The following EPS15L1 variants were observed in gnomAD, a reference collection of about 807,000 sequenced individuals.
EPS15L1 encodes epidermal growth factor receptor pathway substrate 15 like 1.
EPS15L1 carries 43 observed loss-of-function variants against 117.1 expected under a neutral mutation model. That is an observed-to-expected ratio of 0.37 (90% CI 0.29 to 0.47). The LOEUF is 0.47. EPS15L1 is among the 20% of genes least tolerant of loss of function. EPS15L1 has a pLI of 0.99. For missense variants in EPS15L1, 981 were observed against 1,164.0 expected, an observed-to-expected ratio of 0.84 and a Z score of 2.29; for synonymous variants, 459 against 470.5, an observed-to-expected ratio of 0.98 and a Z score of 0.32.
chr19:16,363,208 C>T (rs968427613), intron 22 of EPS15L1, among the ~76,000 whole-genome samples: 3 of 152,314 alleles, frequency 2.0e-5, no homozygotes, highest in South Asian at 4.1e-4. Flanking sequence ...GGGCATTCAA[C>T]GTGGTCCACG....
At chr19:16,393,518 G>A (rs1006173435) in intron 18 of EPS15L1, among the ~76,000 whole-genome samples, 4 of 151,120 alleles carry the variant, frequency 2.6e-5, no homozygotes, top group Non-Finnish European at 5.9e-5. Context: ...GCGTGGTAGC[G>A]GGCGCCTGTA....
intron 22 of EPS15L1, among the ~76,000 whole-genome samples, chr19:16,373,772 C>G (rs1249154148): frequency 6.6e-6 from 1 of 152,176 alleles, no homozygotes; most frequent in Non-Finnish European, 1.5e-5. Context: ...CCCAAAGAGC[C>G]AAACACTTCT....
At chr19:16,426,222 G>A (rs780509749) in intron 8 of EPS15L1, among the ~76,000 whole-genome samples, 1 of 152,256 alleles carries the variant, frequency 6.6e-6, no homozygotes, top group Admixed American at 6.5e-5. Flanking sequence ...TGTGGGGCGG[G>A]TGTGACCTCC....
intron 1 of EPS15L1, among the ~76,000 whole-genome samples, chr19:16,445,573 G>A (rs761990824): frequency 1.3e-5 from 2 of 152,172 alleles, no homozygotes; most frequent in Non-Finnish European, 2.9e-5. Context: ...ATGTCATTGC[G>A]ACAGAACTGA....
chr19:16,364,234 C>G (rs1428820372), intron 22 of EPS15L1, among the ~76,000 whole-genome samples: 2 of 152,222 alleles, frequency 1.3e-5, no homozygotes, highest in Non-Finnish European at 2.9e-5. Context: ...GCAGAGGGGG[C>G]CCTGCAATCT....
At chr19:16,392,033 G>A (rs1040014448) in intron 19 of EPS15L1, among the ~76,000 whole-genome samples, 3 of 152,190 alleles carry the variant, frequency 2.0e-5, no homozygotes, top group Non-Finnish European at 2.9e-5. Flanking sequence ...AACTATGGGT[G>A]ACATCCTCCT....
intron 13 of EPS15L1, chr19:16,412,950 C>A: frequency 1.5e-6 from 1 of 664,856 alleles, no homozygotes; most frequent in Non-Finnish European, 2.8e-6. Flanking sequence ...ATCTCTTCTC[C>A]CGCCCATCAA....
chr19:16,423,809 G>A (rs2092840849), intron 9 of EPS15L1, among the ~76,000 whole-genome samples: 1 of 152,192 alleles, frequency 6.6e-6, no homozygotes, highest in South Asian at 2.1e-4. Context: ...AGAGGTAACA[G>A]GAGTCAGACA....
chr19:16,424,044 T>A (rs1210506756), intron 9 of EPS15L1, among the ~76,000 whole-genome samples: 1 of 152,222 alleles, frequency 6.6e-6, no homozygotes, highest in East Asian at 1.9e-4. Flanking sequence ...AGCCTTGCCG[T>A]GGAGCTGGCT....
Position 16,471,058 on chromosome 19 carries a change from T to C in EPS15L1, c.33+855A>G, listed in dbSNP as rs1221520034. Among the ~76,000 whole-genome samples the C allele has an allele frequency of 1.3e-5, 2 of 152,226 alleles. No individual in the cohort carries two copies. The highest frequency in any genetic ancestry group is 4.8e-5 in the African/African-American group (2 of 41,478). ...GTCCTCACTCTTAATCACCATGCTGTGCTAGATCATTCTAGCAAAATGCTT... is the reference window on the plus strand; with the variant it reads ...GTCCTCACTCTTAATCACCATGCTGCGCTAGATCATTCTAGCAAAATGCTT... On this transcript the variant is annotated intron_variant, in intron 1 of 23. Transcript: ENST00000455140. The surrounding 1 kb of genome is among the most constrained non-coding windows in gnomAD (Gnocchi z 4.8).
intron 2 of EPS15L1, 91 bp from the exon 3 acceptor site, chr19:16,442,072 T>G: frequency 6.8e-7 from 1 of 1,480,442 alleles, no homozygotes; most frequent in Non-Finnish European, 9.4e-7. Flanking sequence ...CCGCTGACAG[T>G]GAACAGAAAA....
chr19:16,434,549 C>T, intron 6 of EPS15L1, 59 bp from the exon 7 acceptor site: 1 of 1,564,286 alleles, frequency 6.4e-7, no homozygotes, highest in Non-Finnish European at 8.7e-7. Flanking sequence ...AATGTCCAGA[C>T]CGAGCTCTGA....
chr19:16,363,233 G>A (rs2092084183), intron 22 of EPS15L1, among the ~76,000 whole-genome samples: 1 of 152,144 alleles, frequency 6.6e-6, no homozygotes, highest in African/African-American at 2.4e-5. Flanking sequence ...ACCCCAGACT[G>A]GAAGCTCAAT....
At position 16,381,707 on chromosome 19, in the gene EPS15L1, G is replaced by A. The variant is rs553495135; in HGVS notation, c.2247+3422C>T. On this transcript the variant is annotated intron_variant, in intron 21 of 23. Coordinates refer to ENST00000455140, the MANE Select transcript of EPS15L1 (RefSeq NM_001258374.3). The surrounding 1 kb of genome is among the most constrained non-coding windows in gnomAD (Gnocchi z 4.2). ...GAGACATGAGGGGCAGTGTCGGCCT[G>A]CAGCTTAGCTTTAAAATGGGCCGTT... Among the ~76,000 whole-genome samples the A allele has an allele frequency of 2.0e-5, 3 of 152,346 alleles. No homozygotes were observed. In the South Asian group the frequency reaches 6.2e-4, roughly 32 times the overall value.
chr19:16,412,768 G>A (rs1029938384), intron 13 of EPS15L1: 4 of 358,172 alleles, frequency 1.1e-5, no homozygotes, highest in South Asian at 2.4e-5. Context: ...TAACTTCCAC[G>A]GAGGTTTCAG....
intron 1 of EPS15L1, among the ~76,000 whole-genome samples, chr19:16,448,257 G>A (rs533325327): frequency 5.3e-5 from 8 of 152,228 alleles, no homozygotes; most frequent in South Asian, 2.1e-4. Context: ...AAGGCCTGGC[G>A]TGGTGGTTCA....
intron 1 of EPS15L1, among the ~76,000 whole-genome samples, chr19:16,458,405 G>A (rs2093216912): frequency 6.6e-6 from 1 of 152,112 alleles, no homozygotes; most frequent in Admixed American, 6.5e-5. Context: ...CAGCAGGGGT[G>A]ACAAGGACAA....
At chr19:16,411,137 C>T (rs2092702391) in intron 13 of EPS15L1, among the ~76,000 whole-genome samples, 1 of 152,120 alleles carries the variant, frequency 6.6e-6, no homozygotes, top group Admixed American at 6.6e-5. Context: ...CGAAAACCTG[C>T]AGACAAATGT....
chr19:16,448,547 A>AAGG (rs779362128), intron 1 of EPS15L1, among the ~76,000 whole-genome samples: 3 of 119,398 alleles, frequency 2.5e-5, no homozygotes, highest in African/African-American at 3.6e-5. Context: ...TTAAAAAAAA[A>AAGG]GGGGGGGGGA....
Sources: allele counts gnomAD v4.1 joint callset (sites outside exome capture counted in the v4.1 genomes callset), GRCh38; gene constraint gnomAD v4.1.1; non-coding constraint Gnocchi (gnomAD v3.1); transcripts MANE v1.5; gene names NCBI Gene and HGNC (gene_info 2026-07-23, HGNC 2026-07-21).